LARGE1: variants seen among roughly 807,000 people sequenced by gnomAD.
The protein encoded by LARGE1 is LARGE xylosyl- and glucuronyltransferase 1.
LARGE1 carries 43 observed loss-of-function variants against 87.6 expected under a neutral mutation model. That is an observed-to-expected ratio of 0.49 (90% confidence interval 0.38 to 0.63). The LOEUF (loss-of-function observed/expected upper bound fraction) is 0.63. Ranked by LOEUF, LARGE1 falls within the 30% of genes least tolerant of loss-of-function variation. LARGE1 has a pLI of 0.00. For synonymous variants in LARGE1, 434 were observed against 394.6 expected (o/e 1.10, Z -1.18); for missense variants, 802 against 1,000.2 (o/e 0.80, Z 2.67).
chr22:33,609,488 C>G (rs1032777896), intron 4 of LARGE1, among the ~76,000 whole-genome samples: 4 of 152,122 alleles, frequency 2.6e-5, no homozygotes, highest in African/African-American at 2.4e-5. Flanking sequence ...TTTCCATGAA[C>G]TATGTGGCAA....
At chr22:33,603,161 C>T (rs2079157149) in intron 5 of LARGE1, among the ~76,000 whole-genome samples, 1 of 152,180 alleles carries the variant, frequency 6.6e-6, no homozygotes, top group East Asian at 1.9e-4. Context: ...ACCTCAGAGC[C>T]TGAAATATGT....
chr22:33,611,398 C>T (rs2079425427), intron 4 of LARGE1, among the ~76,000 whole-genome samples: 1 of 152,246 alleles, frequency 6.6e-6, no homozygotes, highest in Non-Finnish European at 1.5e-5. Flanking sequence ...GACATGGAGT[C>T]AAGAATTATT....
chr22:33,890,089 G>A (rs895146549), intron 1 of LARGE1, among the ~76,000 whole-genome samples: 4 of 152,312 alleles, frequency 2.6e-5, no homozygotes, highest in East Asian at 1.9e-4. Flanking sequence ...AGAGAACAAC[G>A]ACAGTGGTCT....
chr22:33,259,859 A>T lies in LARGE1; in HGVS notation c.1730+44370T>A, dbSNP rs78700333. ...GCCTTGTTGAATGTTGCTCTTCCGTATCTACCACATGCATCTGGTATTTTG... is the reference window on the plus strand; with the variant it reads ...GCCTTGTTGAATGTTGCTCTTCCGTTTCTACCACATGCATCTGGTATTTTG... On this transcript the variant is annotated intron_variant, in intron 11 of 11. Transcript: ENST00000608642. 4.5e-4 allele frequency among the ~76,000 whole-genome samples: 68 copies of T among 152,276 alleles called. No individual in the cohort carries two copies. In the East Asian group the frequency reaches 0.013, roughly 29 times the overall value.
At chr22:33,602,815 C>T (rs1602662576) in intron 5 of LARGE1, among the ~76,000 whole-genome samples, 1 of 152,162 alleles carries the variant, frequency 6.6e-6, no homozygotes, top group East Asian at 1.9e-4. Flanking sequence ...GCCCAGCACA[C>T]TTCGGTGTCT....
At chr22:33,394,407 C>G (rs2065647752) in intron 7 of LARGE1, among the ~76,000 whole-genome samples, 2 of 152,128 alleles carry the variant, frequency 1.3e-5, no homozygotes, top group Admixed American at 6.5e-5. Flanking sequence ...ACCATGTTGG[C>G]CAGGCTGGTC....
chr22:33,229,034 A>G (rs1480775716), intron 11 of LARGE1, among the ~76,000 whole-genome samples: 2 of 152,236 alleles, frequency 1.3e-5, no homozygotes, highest in African/African-American at 4.8e-5. Context: ...AAATAAAGTT[A>G]CCATAAGAAA....
At chr22:33,358,971 C>A (rs2064281537) in intron 9 of LARGE1, among the ~76,000 whole-genome samples, 2 of 150,530 alleles carry the variant, frequency 1.3e-5, no homozygotes, top group African/African-American at 4.9e-5. Context: ...GCACTCCAGC[C>A]TGGGCGACAG....
At chr22:33,366,400 C>G (rs5998897) in intron 9 of LARGE1, among the ~76,000 whole-genome samples, 1 of 152,182 alleles carries the variant, frequency 6.6e-6, no homozygotes, top group African/African-American at 2.4e-5. Flanking sequence ...TGAATGAGCA[C>G]GTAATTTTGT....
downstream of LARGE1, among the ~76,000 whole-genome samples, chr22:33,271,055 A>C (rs188912929): frequency 5.1e-4 from 78 of 152,336 alleles, no homozygotes; most frequent in Admixed American, 2.5e-3. Context: ...TAGATCACCC[A>C]GGTCTATTTC....
the LARGE1 span, among the ~76,000 whole-genome samples, chr22:33,076,814 A>G: frequency 6.6e-6 from 1 of 152,188 alleles, no homozygotes; most frequent in Non-Finnish European, 1.5e-5. Context: ...TTAGCGTTGT[A>G]TCTTAAGAGC....
Position 33,626,228 on chromosome 22 carries a change from CAGA to C in LARGE1, c.491+13_491+15del. On this transcript the variant is annotated intron_variant, in intron 4 of 14. Transcript: ENST00000397394. ...GTGACAGACCTCAGCCCACACAGCA[CAGA>C]AGTTGTTCTTACCTATGGAACAGGA... The C allele has an allele frequency of 1.2e-6, 2 of 1,611,516 alleles. No homozygotes were observed. The highest frequency in any genetic ancestry group is 1.7e-4 in the Middle Eastern group (1 of 6,050).
At chr22:33,200,968 T>C (rs1568971027) in intron 11 of LARGE1, among the ~76,000 whole-genome samples, 1 of 152,142 alleles carries the variant, frequency 6.6e-6, no homozygotes. Flanking sequence ...GGTATAAGAA[T>C]TATCTCAATG....
At chr22:33,854,642 A>G (rs576602848) in intron 1 of LARGE1, among the ~76,000 whole-genome samples, 89 of 151,542 alleles carry the variant, frequency 5.9e-4, no homozygotes, top group Non-Finnish European at 5.9e-5. Flanking sequence ...AGCAGAGTAC[A>G]TCATTTTATT....
chr22:33,274,454 T>C lies in LARGE1; in HGVS notation c.2244A>G (p.Lys748=), dbSNP rs1476263872. The C allele has an allele frequency of 1.2e-6, 2 of 1,614,228 alleles. No individual in the cohort carries two copies. The highest frequency in any genetic ancestry group is 1.7e-5 in the Admixed American group (1 of 60,034). ...AGCTGTTGTTCTCGGCTGTGAGATATTTCAGGGCAGCAAAGCCGTAGCGGC... is the reference window on the plus strand; with the variant it reads ...AGCTGTTGTTCTCGGCTGTGAGATACTTCAGGGCAGCAAAGCCGTAGCGGC... ...MSRRYGFAAL[K]YLTAENNS Residue 748 remains lysine, a synonymous_variant, in exon 15 of 15, where the codon AAA becomes AAG. Transcript: ENST00000397394.
intron 11 of LARGE1, among the ~76,000 whole-genome samples, chr22:33,250,026 G>C (rs981203057): frequency 1.3e-5 from 2 of 152,002 alleles, no homozygotes. Context: ...TGAGTCTTTT[G>C]CTCCACATAT....
At chr22:33,146,690 A>C in the LARGE1 span, among the ~76,000 whole-genome samples, 1 of 152,152 alleles carries the variant, frequency 6.6e-6, no homozygotes, top group Admixed American at 6.5e-5. Context: ...CCTCTTGTCA[A>C]CTTTATACTA....
intron 6 of LARGE1, among the ~76,000 whole-genome samples, chr22:33,537,536 A>G (rs1445007019): frequency 1.3e-5 from 2 of 152,132 alleles, no homozygotes; most frequent in Admixed American, 1.3e-4. Context: ...TTAATCGCTT[A>G]TGTAAAGTCC....
At chr22:33,813,646 G>T (rs2086566921) in intron 1 of LARGE1, among the ~76,000 whole-genome samples, 1 of 152,132 alleles carries the variant, frequency 6.6e-6, no homozygotes, top group Admixed American at 6.5e-5. Context: ...AAACACTACT[G>T]CAGGATGTTC....
Sources: allele counts gnomAD v4.1 joint callset (sites outside exome capture counted in the v4.1 genomes callset), GRCh38; gene constraint gnomAD v4.1.1; transcripts MANE v1.5; gene names NCBI Gene and HGNC (gene_info 2026-07-23, HGNC 2026-07-21).